Variants in ALDOB observed in about 807,000 individuals in gnomAD.
ALDOB encodes the protein aldolase, fructose-bisphosphate B.
Under a neutral mutation model 41.0 loss-of-function variants are expected in ALDOB, and 39 were observed. The ratio of observed to expected loss-of-function variants is 0.95; its 90% CI spans 0.74 to 1.24. The LOEUF (loss-of-function observed/expected upper bound fraction) is 1.24. ALDOB is among the 50% of genes most tolerant of loss of function. The probability of loss-of-function intolerance (pLI) is 0.00; values close to 1 mark genes in which losing one functional copy is unlikely to be tolerated. For missense variants in ALDOB, 530 were observed against 457.3 expected, an observed-to-expected ratio of 1.16 and a Z score of -1.45; for synonymous variants, 175 against 168.8, an observed-to-expected ratio of 1.04 and a Z score of -0.28.
intron 1 of ALDOB, among the ~76,000 whole-genome samples, chr9:101,431,641 C>G (rs1771519807): frequency 6.6e-6 from 1 of 152,168 alleles, no homozygotes; most frequent in South Asian, 2.1e-4. Flanking sequence ...ACCAAGCAGC[C>G]TCCACAGTGG....
intron 8 of ALDOB, 51 bp from the exon 9 acceptor site, chr9:101,421,955 C>G: frequency 1.4e-6 from 2 of 1,480,608 alleles, no homozygotes; most frequent in Non-Finnish European, 1.9e-6. Context: ...TGTGACCCCA[C>G]CTTGACCCTG....
At chr9:101,423,239 T>C (rs1332327818) in intron 8 of ALDOB, among the ~76,000 whole-genome samples, 1 of 152,228 alleles carries the variant, frequency 6.6e-6, no homozygotes, top group African/African-American at 2.4e-5. Flanking sequence ...TACTCTTGAT[T>C]CCTTGCCTAG....
At chr9:101,428,613 T>A in intron 3 of ALDOB, 90 bp from the exon 4 acceptor site, 1 of 1,139,472 alleles carries the variant, frequency 8.8e-7, no homozygotes. Context: ...CTTTTACAGA[T>A]CAAGGAGTTG....
intron 1 of ALDOB, 29 bp from the exon 2 acceptor site, chr9:101,430,926 C>T (rs1304526382): frequency 1.3e-6 from 2 of 1,508,736 alleles, no homozygotes; most frequent in South Asian, 1.1e-5. Flanking sequence ...GAGTTGTGCA[C>T]AGAACCATGG....
At chr9:101,424,449 TGAAA>T (rs1241416798) in intron 8 of ALDOB, among the ~76,000 whole-genome samples, 2 of 152,034 alleles carry the variant, frequency 1.3e-5, no homozygotes, top group Admixed American at 6.6e-5. Context: ...CAAATAAACA[TGAAA>T]GAAAGAAATT....
chr9:101,427,653 C>A lies in ALDOB; in HGVS notation c.380-11G>T. 7 of 1,613,984 alleles carry A rather than the reference C, an allele frequency of 4.3e-6. No individual in the cohort carries two copies. The highest frequency in any genetic ancestry group is 5.9e-6 in the Non-Finnish European group (7 of 1,180,020). On this transcript the variant is annotated splice_polypyrimidine_tract_variant and intron_variant, in intron 4 of 8. Transcript: ENST00000647789. Reference sequence around the variant, plus strand: ...AGAGGCCATCAAGCCCTGCAAGTCACAAAAGAGAGAAAGGCTTCTTTGTAC... The same window carrying A: ...AGAGGCCATCAAGCCCTGCAAGTCAAAAAAGAGAGAAAGGCTTCTTTGTAC...
intron 8 of ALDOB, among the ~76,000 whole-genome samples, chr9:101,424,032 G>T (rs907474359): frequency 1.3e-5 from 2 of 152,068 alleles, no homozygotes; most frequent in Non-Finnish European, 2.9e-5. Flanking sequence ...TTTCAGTGAG[G>T]GTCACTGGTA....
intron 8 of ALDOB, among the ~76,000 whole-genome samples, chr9:101,424,172 C>A (rs1831090007): frequency 6.6e-6 from 1 of 152,062 alleles, no homozygotes; most frequent in Admixed American, 6.6e-5. Context: ...AATCTCAGCA[C>A]TTTGGGAGGT....
intron 5 of ALDOB, 105 bp downstream of exon 5, chr9:101,427,377 G>T: frequency 7.1e-7 from 1 of 1,415,616 alleles, no homozygotes; most frequent in Non-Finnish European, 9.7e-7. Context: ...GGATATACTG[G>T]TGAGGGAAAA....
intron 5 of ALDOB, among the ~76,000 whole-genome samples, chr9:101,427,271 T>C (rs1831144538): frequency 6.6e-6 from 1 of 152,132 alleles, no homozygotes; most frequent in Non-Finnish European, 1.5e-5. Flanking sequence ...GCATTATCCT[T>C]TGAACTCATA....
In ALDOB at chr9:101,421,744, G is replaced by A. The variant is rs561878141; in HGVS notation, c.*65C>T. On this transcript the variant is annotated 3_prime_UTR_variant, in exon 9 of 9. Coordinates refer to ENST00000647789, the MANE Select transcript of ALDOB (RefSeq NM_000035.4). ...TTGTGTCGAATTTCCAGGATTGGAGGAAAAGTTGCTCCCTTTCAGCCCTCC... is the reference window on the plus strand; with the variant it reads ...TTGTGTCGAATTTCCAGGATTGGAGAAAAAGTTGCTCCCTTTCAGCCCTCC... The A allele has an allele frequency of 1.2e-5, 16 of 1,317,850 alleles. No individual in the cohort carries two copies. In the South Asian group the frequency reaches 1.9e-4, roughly 16 times the overall value. The allele number at this position is 1,317,850 out of a possible 1,614,324, so 81.6% of individuals were successfully genotyped here.
Position 101,420,753 on chromosome 9 carries a change from C to A in ALDOB, c.*1056G>T, listed in dbSNP as rs943423973. 1 of 152,108 alleles carries A rather than the reference C, an allele frequency of 6.6e-6. No individual in the cohort carries two copies. Among genetic ancestry groups the A allele is most frequent in the Non-Finnish European group, 1.5e-5 (1 of 68,018 alleles). The allele number at this position is 152,108 out of a possible 1,614,324, so 9.4% of individuals were successfully genotyped here. On this transcript the variant is annotated 3_prime_UTR_variant, in exon 9 of 9. Coordinates refer to ENST00000647789, the MANE Select transcript of ALDOB (RefSeq NM_000035.4). ...ATTTCCTAGCTTCTGTCAGTTAAAT[C>A]ATCACTTTTATATTGTCCAAAGTTA... is the stretch of plus-strand genomic sequence containing the variant.
At chr9:101,425,721 G>A in intron 6 of ALDOB, 94 bp from the exon 7 acceptor site, 1 of 1,365,252 alleles carries the variant, frequency 7.3e-7, no homozygotes, top group East Asian at 2.3e-5. Flanking sequence ...GCAGGATGAA[G>A]GAATTCTTAT....
chr9:101,420,575 A>G lies in ALDOB; in HGVS notation c.*1234T>C, dbSNP rs1831032241. Reference sequence around the variant, plus strand: ...TTCAAGGTAAGAAATTTAGCATACTACCATCAATATTTTAATTTTAGATAT... The same window carrying G: ...TTCAAGGTAAGAAATTTAGCATACTGCCATCAATATTTTAATTTTAGATAT... On this transcript the variant is annotated 3_prime_UTR_variant, in exon 9 of 9. Coordinates refer to ENST00000647789, the MANE Select transcript of ALDOB (RefSeq NM_000035.4). The G allele has an allele frequency of 6.6e-6, 1 of 152,192 alleles. No individual in the cohort carries two copies. Among genetic ancestry groups the G allele is most frequent in the South Asian group, 2.1e-4 (1 of 4,830 alleles). The allele number at this position is 152,192 out of a possible 1,614,324, so 9.4% of individuals were successfully genotyped here. A position where few individuals can be genotyped will look rare whatever the true frequency, so the allele number is the denominator to read the frequency against.
At position 101,420,636 on chromosome 9, in the gene ALDOB, T is replaced by G. The variant is rs919194451; in HGVS notation, c.*1173A>C. 1.3e-5 allele frequency: 2 copies of G among 152,228 alleles called. No individual in the cohort carries two copies. Among genetic ancestry groups the G allele is most frequent in the African/African-American group, 4.8e-5 (2 of 41,460 alleles). The allele number at this position is 152,228 out of a possible 1,614,324, so 9.4% of individuals were successfully genotyped here. On this transcript the variant is annotated 3_prime_UTR_variant, in exon 9 of 9. Transcript: ENST00000647789. ...GATTTACATCCATTTCTTTTATTAC[T>G]TAAATAGAATTAAAGCACTATTTCT... is the stretch of plus-strand genomic sequence containing the variant.
At position 101,430,836 on chromosome 9, in the gene ALDOB, C is replaced by T; in HGVS notation, c.52G>A (p.Glu18Lys). The T allele has an allele frequency of 6.2e-7, 1 of 1,614,238 alleles. No homozygotes were observed. Among genetic ancestry groups the T allele is most frequent in the Non-Finnish European group, 8.5e-7 (1 of 1,180,042 alleles). Residue 18 changes from glutamate (E) to lysine (K), a missense_variant, in exon 2 of 9, where the codon GAA (glutamate) becomes AAA (lysine). Coordinates refer to ENST00000647789, the MANE Select transcript of ALDOB (RefSeq NM_000035.4). ...LTQEQKKELS[E>K]IAQSIVANGK... ...TTGGCAACAATGCTCTGGGCAATTT[C>T]TGAGAGCTCCTTCTTCTGCTCCTGG...
intron 8 of ALDOB, among the ~76,000 whole-genome samples, chr9:101,423,798 A>G (rs1200606848): frequency 6.6e-6 from 1 of 152,112 alleles, no homozygotes; most frequent in Non-Finnish European, 1.5e-5. Context: ...ACATTTAAAC[A>G]TGCCAAGCTC....
chr9:101,422,605 C>A (rs1047602652), intron 8 of ALDOB, among the ~76,000 whole-genome samples: 3 of 152,116 alleles, frequency 2.0e-5, no homozygotes. Flanking sequence ...TTTTAACAAG[C>A]GCTTCAAGTG....
chr9:101,424,418 CAAAACAAA>C (rs1436669043), intron 8 of ALDOB, among the ~76,000 whole-genome samples: 1 of 140,290 alleles, frequency 7.1e-6, no homozygotes, highest in Non-Finnish European at 1.7e-5. Flanking sequence ...CACTCCATCT[CAAAACAAA>C]CAAACAAACA....
Sources: gnomAD v4.1 joint callset for allele counts (sites outside exome capture counted in the v4.1 genomes callset) on GRCh38, gnomAD v4.1.1 for gene constraint, MANE v1.5 for transcripts, NCBI Gene and HGNC (gene_info 2026-07-23, HGNC 2026-07-21) for gene names.